The following WDR49 variants were observed in gnomAD, a reference collection of about 807,000 sequenced individuals.
The protein encoded by WDR49 is cilia- and flagella-associated protein 337.
In WDR49, 107 loss-of-function variants were observed where a neutral mutation model predicts 119.5. The ratio of observed to expected loss-of-function variants is 0.90; its 90% confidence interval spans 0.77 to 1.05. WDR49 has a LOEUF of 1.05. WDR49 is among the 50% of genes least tolerant of loss of function. WDR49 has a pLI of 0.00. For synonymous variants in WDR49, 425 were observed against 418.8 expected, an observed-to-expected ratio of 1.01 and a Z score of -0.18; for missense variants, 1,240 against 1,220.5, an observed-to-expected ratio of 1.02 and a Z score of -0.24.
At chr3:167,487,347 C>A (rs139524723) in intron 18 of WDR49, among the ~76,000 whole-genome samples, 1 of 151,972 alleles carries the variant, frequency 6.6e-6, no homozygotes, top group Non-Finnish European at 1.5e-5. Context: ...TGAAACTGGA[C>A]CCTTATCTTT....
At chr3:167,536,713 A>G (rs555383392) in intron 11 of WDR49, among the ~76,000 whole-genome samples, 157 bp downstream of exon 11, 2 of 59,036 alleles carry the variant, frequency 3.4e-5, no homozygotes, top group South Asian at 3.8e-4. Context: ...ATACACACAC[A>G]TATATATATA....
intron 7 of WDR49, among the ~76,000 whole-genome samples, chr3:167,599,095 C>G (rs1245876740): frequency 6.6e-6 from 1 of 152,138 alleles, no homozygotes; most frequent in African/African-American, 2.4e-5. Context: ...TGGCTACCAC[C>G]TATGTTTTCC....
intron 5 of WDR49, 127 bp from the exon 6 acceptor site, chr3:167,604,595 T>C: frequency 1.1e-6 from 1 of 934,784 alleles, no homozygotes; most frequent in Non-Finnish European, 1.5e-6. Flanking sequence ...AAACTGATAC[T>C]TAAAAAACAC....
At chr3:167,539,447 T>TAGA (rs1711657606) in intron 10 of WDR49, among the ~76,000 whole-genome samples, 1 of 152,164 alleles carries the variant, frequency 6.6e-6, no homozygotes, top group Non-Finnish European at 1.5e-5. Context: ...AGGCCCATCT[T>TAGA]ATTCAGGTAG....
At chr3:167,624,983 A>G (rs1033844058) in intron 3 of WDR49, among the ~76,000 whole-genome samples, 11 of 152,056 alleles carry the variant, frequency 7.2e-5, no homozygotes, top group Non-Finnish European at 1.5e-4. Flanking sequence ...GACTGAGGGC[A>G]AATTACACAA....
chr3:167,530,621 C>G (rs930338857), intron 13 of WDR49, among the ~76,000 whole-genome samples: 5 of 151,828 alleles, frequency 3.3e-5, no homozygotes, highest in Admixed American at 2.0e-4. Flanking sequence ...CAGCTCTTGT[C>G]CTGGGATTAG....
chr3:167,533,969 CAGG>C (rs1348807596), intron 11 of WDR49, among the ~76,000 whole-genome samples: 1 of 151,856 alleles, frequency 6.6e-6, no homozygotes, highest in Non-Finnish European at 1.5e-5. Context: ...GTGGGCAGAT[CAGG>C]AGGTCAGGAG....
At chr3:167,615,051 C>T (rs769107628) in intron 5 of WDR49, among the ~76,000 whole-genome samples, 21 of 152,196 alleles carry the variant, frequency 1.4e-4, no homozygotes, top group South Asian at 4.1e-4. Context: ...TGTCTTTTCT[C>T]GTATTGAAAT....
chr3:167,640,529 C>T (rs567858974), intron 2 of WDR49, among the ~76,000 whole-genome samples: 1 of 151,826 alleles, frequency 6.6e-6, no homozygotes, highest in African/African-American at 2.4e-5. Flanking sequence ...AATCCTGTGG[C>T]TAAACATTTC....
chr3:167,632,624 A>G (rs1280813539), intron 2 of WDR49, among the ~76,000 whole-genome samples: 1 of 152,062 alleles, frequency 6.6e-6, no homozygotes, highest in Non-Finnish European at 1.5e-5. Context: ...TATTAATTCT[A>G]TCATATGCCA....
intron 2 of WDR49, among the ~76,000 whole-genome samples, chr3:167,651,692 T>C (rs1233515518): frequency 6.6e-6 from 1 of 152,202 alleles, no homozygotes; most frequent in Admixed American, 6.6e-5. Flanking sequence ...CTTCTCCTCT[T>C]TGGTCCATTA....
intron 7 of WDR49, among the ~76,000 whole-genome samples, chr3:167,578,320 T>G (rs1714352270): frequency 6.6e-6 from 1 of 152,146 alleles, no homozygotes; most frequent in Non-Finnish European, 1.5e-5. Context: ...CCAGAGGGCT[T>G]TTATCTCAAG....
chr3:167,558,100 A>C (rs1713051795), intron 9 of WDR49, among the ~76,000 whole-genome samples: 1 of 152,294 alleles, frequency 6.6e-6, no homozygotes, highest in African/African-American at 2.4e-5. Context: ...AAACAAACAA[A>C]CAAGAATGAT....
chr3:167,491,847 A>G (rs1350688373), intron 18 of WDR49, among the ~76,000 whole-genome samples: 1 of 152,194 alleles, frequency 6.6e-6, no homozygotes, highest in Non-Finnish European at 1.5e-5. Flanking sequence ...AAGTGTGAAG[A>G]AAGATGTTTC....
intron 9 of WDR49, among the ~76,000 whole-genome samples, chr3:167,556,615 G>A (rs995458339): frequency 1.8e-4 from 27 of 152,314 alleles, no homozygotes; most frequent in African/African-American, 3.8e-4. Context: ...GCCAGGCACC[G>A]TGGCTCATGC....
intron 10 of WDR49, among the ~76,000 whole-genome samples, chr3:167,552,288 C>T (rs1560282148): frequency 6.6e-6 from 1 of 152,030 alleles, no homozygotes; most frequent in East Asian, 1.9e-4. Context: ...AAAGAAATCC[C>T]TGTAGCTAAA....
intron 16 of WDR49, among the ~76,000 whole-genome samples, chr3:167,506,987 G>A (rs1440859945): frequency 6.6e-6 from 1 of 151,996 alleles, no homozygotes. Context: ...TCAAACCAAG[G>A]GTGCATGCTA....
Position 167,627,263 on chromosome 3 carries a change from C to A in WDR49, c.195G>T (p.Met65Ile). ...TCTTCTGCGTGAAGTCTTCTCTGGA[C>A]ATACAAATGATTTTCCTTGGCTGTG... ...ESPQPRKIIC[M>I]SREDFTQKMT... is the part of the protein sequence containing the mutation. Residue 65 changes from methionine (M) to isoleucine (I), a missense_variant, in exon 3 of 19, where the codon ATG (methionine) becomes ATT (isoleucine). Transcript: ENST00000682715. 8.1e-7 allele frequency: 1 copy of A among 1,237,698 alleles called. No homozygotes were observed. Among genetic ancestry groups the A allele is most frequent in the Non-Finnish European group, 1.0e-6 (1 of 990,218 alleles). The allele number at this position is 1,237,698 out of a possible 1,614,324, so 76.7% of individuals were successfully genotyped here.
At chr3:167,643,362 G>T (rs571128880) in intron 2 of WDR49, among the ~76,000 whole-genome samples, 2 of 152,160 alleles carry the variant, frequency 1.3e-5, no homozygotes, top group South Asian at 4.1e-4. Flanking sequence ...GAATCAATCA[G>T]AAAATCCAGA....
Sources: gnomAD v4.1 joint callset for allele counts (sites outside exome capture counted in the v4.1 genomes callset) on GRCh38, gnomAD v4.1.1 for gene constraint, MANE v1.5 for transcripts, NCBI Gene and HGNC (gene_info 2026-07-23, HGNC 2026-07-21) for gene names.